PXDNL: variants seen among roughly 807,000 people sequenced by gnomAD.
The protein encoded by PXDNL is peroxidasin like.
PXDNL carries 145 observed loss-of-function variants against 150.8 expected under a neutral mutation model. The ratio of observed to expected loss-of-function variants is 0.96; its 90% CI spans 0.84 to 1.10. The LOEUF (loss-of-function observed/expected upper bound fraction) is 1.10, where lower values mean the gene tolerates loss of function less well. Among genes scored for constraint, PXDNL ranks in the 50% least tolerant of loss-of-function variants. PXDNL has a pLI of 0.00. For synonymous variants in PXDNL, 757 were observed against 725.7 expected (o/e 1.04, Z -0.69); for missense variants, 2,087 against 1,873.9 (o/e 1.11, Z -2.10).
intron 2 of PXDNL, among the ~76,000 whole-genome samples, chr8:51,616,961 GTTTTC>G (rs1184044876): frequency 6.6e-6 from 1 of 151,812 alleles, no homozygotes; most frequent in African/African-American, 2.4e-5. Flanking sequence ...GTTTTTTATT[GTTTTC>G]TTTTAAATAT....
At chr8:51,420,531 C>G (rs1808920520) in intron 14 of PXDNL, among the ~76,000 whole-genome samples, 1 of 151,552 alleles carries the variant, frequency 6.6e-6, no homozygotes. Context: ...TATAAATGTC[C>G]CAGAGACAAA....
Position 51,325,205 on chromosome 8 carries a change from C to T in PXDNL, c.4147-4308G>A, listed in dbSNP as rs114294311. 5.3e-3 allele frequency among the ~76,000 whole-genome samples: 804 copies of T among 152,310 alleles called. 7 individuals carry two copies. The highest frequency in any genetic ancestry group is 0.018 in the African/African-American group (769 of 41,574). On this transcript the variant is annotated intron_variant, in intron 21 of 22. Coordinates refer to ENST00000356297, the MANE Select transcript of PXDNL (RefSeq NM_144651.5). ...TCTTTTTCAGATAACTGCAACACCT[C>T]TATCACTTCAGTGTTGATTGCCTGT...
In PXDNL at chr8:51,767,644, A is replaced by G. The variant is rs181663775; in HGVS notation, c.164+41537T>C. Among the ~76,000 whole-genome samples the G allele has an allele frequency of 2.0e-3, 311 of 152,218 alleles. 1 individual carries two copies. Among genetic ancestry groups the G allele is most frequent in the Non-Finnish European group, 3.3e-3 (223 of 68,028 alleles). On this transcript the variant is annotated intron_variant, in intron 1 of 22. Coordinates refer to ENST00000356297, the MANE Select transcript of PXDNL (RefSeq NM_144651.5). Reference sequence around the variant, plus strand: ...TTGCAGGGCCTCAAAGGTCACCTACAGATACTCTTTTCAAATCTTTACTGC... The same window carrying G: ...TTGCAGGGCCTCAAAGGTCACCTACGGATACTCTTTTCAAATCTTTACTGC...
intron 21 of PXDNL, among the ~76,000 whole-genome samples, chr8:51,332,464 C>G (rs1805718609): frequency 6.6e-6 from 1 of 151,708 alleles, no homozygotes; most frequent in African/African-American, 2.4e-5. Flanking sequence ...GCAAAGGATC[C>G]AAACCAAGAA....
At chr8:51,341,144 T>A (rs1417841741) in intron 20 of PXDNL, among the ~76,000 whole-genome samples, 1 of 152,214 alleles carries the variant, frequency 6.6e-6, no homozygotes, top group Non-Finnish European at 1.5e-5. Flanking sequence ...GTGCTGCCGT[T>A]AGGCTCCTCA....
chr8:51,555,478 TA>T, intron 4 of PXDNL, among the ~76,000 whole-genome samples: 1 of 152,196 alleles, frequency 6.6e-6, no homozygotes, highest in Non-Finnish European at 1.5e-5. Context: ...AAAGGCAATT[TA>T]AAAAAATTTT....
Position 51,407,998 on chromosome 8 carries a change from C to A in PXDNL, c.3557+69G>T, listed in dbSNP as rs979576212. 11 of 1,389,934 alleles carry A rather than the reference C, an allele frequency of 7.9e-6. No homozygotes were observed. The African/African-American group carries it at 1.6e-4, about 20-fold the overall frequency. The allele number at this position is 1,389,934 out of a possible 1,614,324, so 86.1% of individuals were successfully genotyped here. On this transcript the variant is annotated intron_variant, in intron 17 of 22. Coordinates refer to ENST00000356297, the MANE Select transcript of PXDNL (RefSeq NM_144651.5). The stretch of plus-strand genomic sequence containing the variant: ...CCCAGGGAACCAAATTCCAGCCACA[C>A]AAAATGACCTTTAACACTTTTACCT...
At chr8:51,320,180 T>G (rs1203359977) in intron 22 of PXDNL, among the ~76,000 whole-genome samples, 158 bp from the exon 23 acceptor site, 2 of 152,230 alleles carry the variant, frequency 1.3e-5, no homozygotes, top group Non-Finnish European at 2.9e-5. Context: ...TGGTTTCTAT[T>G]CATTCTTTCT....
chr8:51,555,983 G>GATAATAATAATT, intron 4 of PXDNL, among the ~76,000 whole-genome samples: 1 of 152,186 alleles, frequency 6.6e-6, no homozygotes, highest in East Asian at 1.9e-4. Flanking sequence ...TAATAATAAT[G>GATAATAATAATT]CTACAGGGCT....
At position 51,330,870 on chromosome 8, in the gene PXDNL, T is replaced by A. The variant is rs114270753; in HGVS notation, c.4146+8754A>T. On this transcript the variant is annotated intron_variant, in intron 21 of 22. Coordinates refer to ENST00000356297, the MANE Select transcript of PXDNL (RefSeq NM_144651.5). ...ATTATGGGTAAGACTAGAGTATGAC[T>A]GATCCTGAGAGAAAATTCCTCTCAA... Among the ~76,000 whole-genome samples the A allele has an allele frequency of 9.9e-3, 1,506 of 152,308 alleles. 24 individuals are homozygous for A. The highest frequency in any genetic ancestry group is 0.035 in the African/African-American group (1,457 of 41,578).
chr8:51,604,045 C>T (rs10087604), intron 2 of PXDNL, among the ~76,000 whole-genome samples: 2 of 151,936 alleles, frequency 1.3e-5, no homozygotes, highest in African/African-American at 2.4e-5. Flanking sequence ...CTTTAAGAAA[C>T]CTTCCTCCAA....
intron 12 of PXDNL, among the ~76,000 whole-genome samples, chr8:51,435,307 C>T (rs754018788): frequency 1.4e-4 from 21 of 151,582 alleles, no homozygotes; most frequent in Non-Finnish European, 2.5e-4. Context: ...GGTGATAGAG[C>T]GAGACTCTGT....
At chr8:51,342,586 A>G (rs986797931) in intron 20 of PXDNL, among the ~76,000 whole-genome samples, 2 of 152,196 alleles carry the variant, frequency 1.3e-5, no homozygotes, top group African/African-American at 4.8e-5. Context: ...AACAAACATG[A>G]ATGCATAAAT....
intron 3 of PXDNL, among the ~76,000 whole-genome samples, chr8:51,579,792 A>G (rs1813164241): frequency 6.6e-6 from 1 of 152,036 alleles, no homozygotes; most frequent in Admixed American, 6.6e-5. Context: ...CTCAGCAATA[A>G]AAAGTAATAA....
chr8:51,612,082 A>G (rs1814017759), intron 2 of PXDNL, among the ~76,000 whole-genome samples: 1 of 152,234 alleles, frequency 6.6e-6, no homozygotes, highest in Non-Finnish European at 1.5e-5. Context: ...ATTGACAAAT[A>G]TCGACCTGGC....
chr8:51,592,418 A>T (rs1457294097), intron 3 of PXDNL, among the ~76,000 whole-genome samples: 1 of 152,226 alleles, frequency 6.6e-6, no homozygotes, highest in Admixed American at 6.5e-5. Context: ...AGAAATGTGC[A>T]TAAATATTTG....
chr8:51,695,355 G>A (rs1294485627), intron 1 of PXDNL, among the ~76,000 whole-genome samples: 2 of 152,038 alleles, frequency 1.3e-5, no homozygotes, highest in African/African-American at 4.8e-5. Flanking sequence ...AGAATGAACT[G>A]TTATCACCTA....
chr8:51,718,278 G>T (rs1816657595), intron 1 of PXDNL, among the ~76,000 whole-genome samples: 1 of 152,100 alleles, frequency 6.6e-6, no homozygotes, highest in Non-Finnish European at 1.5e-5. Context: ...GGGACTGAGG[G>T]GGAGGAGCTG....
At chr8:51,351,020 T>C (rs1266138394) in intron 19 of PXDNL, among the ~76,000 whole-genome samples, 3 of 152,216 alleles carry the variant, frequency 2.0e-5, no homozygotes, top group Non-Finnish European at 2.9e-5. Context: ...TACTGAACTA[T>C]CCCCACAATT....
Sources: allele counts gnomAD v4.1 joint callset (sites outside exome capture counted in the v4.1 genomes callset), GRCh38; gene constraint gnomAD v4.1.1; transcripts MANE v1.5; gene names NCBI Gene and HGNC (gene_info 2026-07-23, HGNC 2026-07-21).